GALNT12: variants seen among roughly 807,000 people sequenced by gnomAD.
GALNT12 encodes polypeptide N-acetylgalactosaminyltransferase 12, also known as UDP-GalNAc:polypeptide N-acetylgalactosaminyltransferase 12.
GALNT12 carries 45 observed loss-of-function variants against 55.5 expected under a neutral mutation model. The observed-to-expected ratio is 0.81, with a 90% CI of 0.64 to 1.04. The LOEUF is 1.04. Among genes scored for constraint, GALNT12 ranks in the 50% least tolerant of loss-of-function variants. The pLI is 0.00. For synonymous variants in GALNT12, 304 were observed against 312.2 expected, an observed-to-expected ratio of 0.97 and a Z score of 0.28; for missense variants, 709 against 754.8, an observed-to-expected ratio of 0.94 and a Z score of 0.71.
intron 9 of GALNT12, among the ~76,000 whole-genome samples, chr9:98,847,849 T>C (rs983300882): frequency 1.4e-5 from 2 of 140,548 alleles, no homozygotes; most frequent in South Asian, 2.3e-4. Context: ...GGAGCCTTGC[T>C]CCACCAAGGC....
At chr9:98,840,605 C>T (rs1836266473) in intron 7 of GALNT12, among the ~76,000 whole-genome samples, 1 of 152,202 alleles carries the variant, frequency 6.6e-6, no homozygotes, top group African/African-American at 2.4e-5. Context: ...CTGGGAATGA[C>T]ACCAGCTTAG....
At chr9:98,844,287 A>C (rs1836363750) in intron 8 of GALNT12, 78 bp downstream of exon 8, 1 of 971,442 alleles carries the variant, frequency 1.0e-6, no homozygotes, top group Non-Finnish European at 1.6e-6. Flanking sequence ...TTTCTTGTAA[A>C]AGTAATATTT....
rs144182469 is a variant in GALNT12, at chr9:98,815,401, G to C, written c.371+7332G>C. ...TTTAAGATAGACTAGGCTAGGCTGT[G>C]GTGTTCAGTAGGTTAGGTGTATTAA... is the stretch of plus-strand genomic sequence containing the variant. On this transcript the variant is annotated intron_variant, in intron 1 of 9. Coordinates refer to ENST00000375011, the MANE Select transcript of GALNT12 (RefSeq NM_024642.5). 7.4e-4 allele frequency among the ~76,000 whole-genome samples: 112 copies of C among 152,180 alleles called. 1 individual carries two copies. The highest frequency in any genetic ancestry group is 2.6e-3 in the African/African-American group (109 of 41,444).
At chr9:98,835,391 G>T (rs377266726) in intron 5 of GALNT12, 25 bp downstream of exon 5, 224 of 1,376,166 alleles carry the variant, frequency 1.6e-4, no homozygotes, top group Non-Finnish European at 2.2e-4. Flanking sequence ...CTTCTCTTTG[G>T]ACATGTTCTT....
At position 98,844,682 on chromosome 9, in the gene GALNT12, A is replaced by G. The variant is rs56161609; in HGVS notation, c.1458+473A>G. On this transcript the variant is annotated intron_variant, in intron 8 of 9. Transcript: ENST00000375011. ...ATTTCAGATGATTTCCTTAGAATTA[A>G]TTGTTAAGTGGAATGACAGGTTTAA... 1.9e-3 allele frequency among the ~76,000 whole-genome samples: 285 copies of G among 152,264 alleles called. 1 individual carries two copies. Among genetic ancestry groups the G allele is most frequent in the African/African-American group, 6.5e-3 (271 of 41,548 alleles).
At chr9:98,839,363 T>C (rs999471) in intron 6 of GALNT12, among the ~76,000 whole-genome samples, 30,550 of 152,206 alleles carry the variant, frequency 0.2, 3,289 homozygotes, top group East Asian at 0.34. Context: ...GCAGGTACGG[T>C]AATATTTCTG....
chr9:98,833,750 T>TTCCCTCTG (rs1836062534), intron 4 of GALNT12, among the ~76,000 whole-genome samples: 1 of 152,032 alleles, frequency 6.6e-6, no homozygotes, highest in African/African-American at 2.4e-5. Flanking sequence ...CTGAATAGGT[T>TTCCCTCTG]TGGAAACTGA....
At chr9:98,848,741 G>A (rs1836476748) in intron 9 of GALNT12, 5 of 611,360 alleles carry the variant, frequency 8.2e-6, no homozygotes, top group African/African-American at 3.7e-5. Context: ...TGGCACCATC[G>A]GTCCTGTGAG....
At chr9:98,834,579 A>C (rs10760544) in intron 4 of GALNT12, among the ~76,000 whole-genome samples, 45,133 of 152,212 alleles carry the variant, frequency 0.3, 6,853 homozygotes, top group East Asian at 0.36. Flanking sequence ...AGGCTGGCTG[A>C]AAAAGCAGCC....
intron 4 of GALNT12, among the ~76,000 whole-genome samples, chr9:98,833,791 A>T (rs1220472168): frequency 6.6e-6 from 1 of 152,130 alleles, no homozygotes; most frequent in Non-Finnish European, 1.5e-5. Flanking sequence ...AATCTAGGCT[A>T]CTTAGGCAGC....
rs1186134407 is a variant in GALNT12, at chr9:98,807,709, G to A, written c.11G>A (p.Arg4His). ...GCAGTTGGCGGGCGCATGTGGGGGCGCACGGCGCGGCGGCGCTGCCCGCGG... is the reference window on the plus strand; with the variant it reads ...GCAGTTGGCGGGCGCATGTGGGGGCACACGGCGCGGCGGCGCTGCCCGCGG... The part of the protein sequence containing the change: MWG[R>H]TARRRCPREL... Residue 4 changes from arginine (R) to histidine (H), a missense_variant, in exon 1 of 10, where the codon CGC becomes CAC. Arg to His is a conservative substitution (Grantham distance 29). Around this residue, in one of 5 missense-constraint regions of GALNT12, gnomAD observed 110 missense variants for 102.2 expected, o/e 1.08. Transcript: ENST00000375011. 10 of 1,155,880 alleles carry A rather than the reference G, an allele frequency of 8.7e-6. No individual in the cohort carries two copies. The highest frequency in any genetic ancestry group is 3.2e-5 in the South Asian group (1 of 31,258). 71.6% of individuals were successfully genotyped at this position (1,155,880 alleles called of 1,614,324 possible). A position where few individuals can be genotyped will look rare whatever the true frequency, so the allele number is the denominator to read the frequency against.
At chr9:98,824,563 G>GTAGA (rs1324675524) in intron 2 of GALNT12, among the ~76,000 whole-genome samples, 1 of 152,174 alleles carries the variant, frequency 6.6e-6, no homozygotes, top group African/African-American at 2.4e-5. Context: ...AGGGAGAATG[G>GTAGA]GTTTAAGGCA....
rs1321396141 is a variant in GALNT12 at position 98,849,818 on chromosome 9, C to A, written c.*726C>A. ...AGTGTGGCTGGTTCTACCACTATGA[C>A]TTTAAAACATGTTTATATCATTTTT... On this transcript the variant is annotated 3_prime_UTR_variant, in exon 10 of 10. Coordinates refer to ENST00000375011, the MANE Select transcript of GALNT12 (RefSeq NM_024642.5). 3 of 380,062 alleles carry A rather than the reference C, an allele frequency of 7.9e-6. No individual in the cohort carries two copies. Among genetic ancestry groups the A allele is most frequent in the African/African-American group, 6.2e-5 (3 of 48,342 alleles). The allele number at this position is 380,062 out of a possible 1,614,324, so 23.5% of individuals were successfully genotyped here.
At chr9:98,820,531 C>G (rs985349822) in intron 1 of GALNT12, among the ~76,000 whole-genome samples, 1 of 152,204 alleles carries the variant, frequency 6.6e-6, no homozygotes, top group Non-Finnish European at 1.5e-5. Context: ...CATGTCTTTG[C>G]TATTGTGAAT....
chr9:98,831,746 C>CGGAT (rs1836000827), intron 3 of GALNT12, 26 bp from the exon 4 acceptor site: 1 of 1,613,958 alleles, frequency 6.2e-7, no homozygotes, highest in Non-Finnish European at 8.5e-7. Context: ...ATAGGAGAGA[C>CGGAT]GGATGGATGT....
chr9:98,812,587 A>G (rs1835519114), intron 1 of GALNT12, among the ~76,000 whole-genome samples: 1 of 152,220 alleles, frequency 6.6e-6, no homozygotes, highest in African/African-American at 2.4e-5. Flanking sequence ...ACAAGACTCC[A>G]TTTAAAAAGA....
chr9:98,839,407 G>A (rs1049515835), intron 6 of GALNT12, among the ~76,000 whole-genome samples: 16 of 152,144 alleles, frequency 1.1e-4, no homozygotes, highest in African/African-American at 2.4e-5. Flanking sequence ...GCACATTTGC[G>A]ATACTAAATA....
Position 98,807,846 on chromosome 9 carries a change from C to T in GALNT12, c.148C>T (p.Pro50Ser). ...TGGGGCCGGGGCCGGGGCTGCCGAGCCGGGACCCCCGCGCACCCCGCGCCC... is the reference window on the plus strand; with the variant it reads ...TGGGGCCGGGGCCGGGGCTGCCGAGTCGGGACCCCCGCGCACCCCGCGCCC... ...QRGAGAGAAE[P>S]GPPRTPRPGR... The change falls in exon 1 of 10, where the codon CCG becomes TCG. Residue 50 changes from proline to serine, a missense_variant. Physicochemically the swap from Pro to Ser is moderately conservative, Grantham distance 74. Around this residue, in one of 5 missense-constraint regions of GALNT12, gnomAD observed 110 missense variants for 102.2 expected, o/e 1.08. Transcript: ENST00000375011. 9.9e-7 allele frequency: 1 copy of T among 1,006,360 alleles called. No homozygotes were observed. Among genetic ancestry groups the T allele is most frequent in the Non-Finnish European group, 1.2e-6 (1 of 845,558 alleles). The allele number at this position is 1,006,360 out of a possible 1,614,324, so 62.3% of individuals were successfully genotyped here.
intron 1 of GALNT12, among the ~76,000 whole-genome samples, chr9:98,816,266 T>C (rs1835607956): frequency 3.3e-5 from 5 of 152,032 alleles, no homozygotes; most frequent in Non-Finnish European, 2.9e-5. Flanking sequence ...AAGCTCTGAA[T>C]ATTAATTGAA....
Sources: allele counts gnomAD v4.1 joint callset (sites outside exome capture counted in the v4.1 genomes callset), GRCh38; gene constraint gnomAD v4.1.1; regional missense constraint gnomAD v4.1.1; transcripts MANE v1.5; gene names NCBI Gene and HGNC (gene_info 2026-07-23, HGNC 2026-07-21).